Variants in SOX5 observed in about 807,000 individuals in gnomAD.
SOX5 encodes SRY-box transcription factor 5.
In SOX5, 9 loss-of-function variants were observed where a neutral mutation model predicts 92.0. That is an observed-to-expected ratio of 0.10 (90% CI 0.06 to 0.17). The LOEUF is 0.17. Ranked by LOEUF, SOX5 falls within the 10% of genes least tolerant of loss-of-function variation. The probability of loss-of-function intolerance (pLI) is 1.00; values close to 1 mark genes in which losing one functional copy is unlikely to be tolerated. For missense variants in SOX5, 642 were observed against 944.5 expected (o/e 0.68, Z 4.20); for synonymous variants, 344 against 336.3 (o/e 1.02, Z -0.25).
At chr12:24,434,227 G>A (rs1938965804) in intron 1 of SOX5, among the ~76,000 whole-genome samples, 1 of 152,080 alleles carries the variant, frequency 6.6e-6, no homozygotes, top group African/African-American at 2.4e-5. Flanking sequence ...GGGAGGGGAA[G>A]GAAAGAGAGA....
intron 1 of SOX5, among the ~76,000 whole-genome samples, chr12:24,526,516 G>A (rs938125538): frequency 6.6e-6 from 1 of 152,144 alleles, no homozygotes; most frequent in South Asian, 2.1e-4. Context: ...GCTTCAAGAA[G>A]TTCTCTTTCT....
chr12:23,960,849 T>C (rs1443728994), intron 4 of SOX5, among the ~76,000 whole-genome samples: 1 of 152,030 alleles, frequency 6.6e-6, no homozygotes, highest in African/African-American at 2.4e-5. Flanking sequence ...AAAATGGTTA[T>C]AATGGTGGGA....
chr12:23,948,312 G>A (rs1944956258), intron 1 of SOX5, among the ~76,000 whole-genome samples: 1 of 151,294 alleles, frequency 6.6e-6, no homozygotes, highest in African/African-American at 2.4e-5. Flanking sequence ...TTTGATACTG[G>A]CTTTTCTAAT....
At position 23,533,931 on chromosome 12, in the gene SOX5, G is replaced by T; in HGVS notation, c.*288C>A. On this transcript the variant is annotated 3_prime_UTR_variant, in exon 15 of 15. Coordinates refer to ENST00000451604, the MANE Select transcript of SOX5 (RefSeq NM_006940.6). ...ATTTAAAAAAAAAAAAAAGTTGACG[G>T]GTAAGACTTCAGTGCTTGGATGTAG... 3.8e-6 allele frequency: 1 copy of T among 266,500 alleles called. No homozygotes were observed. The highest frequency in any genetic ancestry group is 7.1e-6 in the Non-Finnish European group (1 of 140,298). The allele number at this position is 266,500 out of a possible 1,614,324, so 16.5% of individuals were successfully genotyped here.
At chr12:24,258,206 G>C (rs1941543944) in intron 3 of SOX5, among the ~76,000 whole-genome samples, 1 of 152,040 alleles carries the variant, frequency 6.6e-6, no homozygotes, top group Non-Finnish European at 1.5e-5. Flanking sequence ...CTTATTCTGA[G>C]AACTAAGCCA....
intron 14 of SOX5, among the ~76,000 whole-genome samples, chr12:23,536,076 TTTTA>T (rs1251471603): frequency 1.3e-5 from 2 of 152,212 alleles, no homozygotes; most frequent in African/African-American, 4.8e-5. Context: ...TTGAAATGAT[TTTTA>T]TTTTGTATTG....
At chr12:23,547,569 A>G (rs1943382109) in intron 11 of SOX5, among the ~76,000 whole-genome samples, 1 of 152,110 alleles carries the variant, frequency 6.6e-6, no homozygotes, top group South Asian at 2.1e-4. Flanking sequence ...TTAACACAGT[A>G]CATGCTTTAT....
chr12:24,102,837 T>C (rs1946246675), intron 4 of SOX5, among the ~76,000 whole-genome samples: 1 of 152,260 alleles, frequency 6.6e-6, no homozygotes. Context: ...TTTTGTTTTA[T>C]TATGTTAGAG....
At chr12:24,349,520 C>A (rs1953793758) in intron 2 of SOX5, among the ~76,000 whole-genome samples, 1 of 152,202 alleles carries the variant, frequency 6.6e-6, no homozygotes, top group African/African-American at 2.4e-5. Context: ...ATGGAATACT[C>A]TCAAAGACAG....
At chr12:24,382,236 C>T (rs537984012) in intron 1 of SOX5, among the ~76,000 whole-genome samples, 1 of 152,204 alleles carries the variant, frequency 6.6e-6, no homozygotes, top group Admixed American at 6.5e-5. Context: ...TAAGAAGCTG[C>T]CATTTGAGTC....
chr12:24,041,235 T>C (rs910842993), intron 4 of SOX5, among the ~76,000 whole-genome samples: 2 of 152,184 alleles, frequency 1.3e-5, no homozygotes, highest in African/African-American at 2.4e-5. Flanking sequence ...GAGTTTTGCA[T>C]ATCATAAGGC....
intron 3 of SOX5, among the ~76,000 whole-genome samples, chr12:23,804,957 A>G (rs1339477895): frequency 2.1e-4 from 2 of 9,716 alleles, no homozygotes; most frequent in African/African-American, 5.0e-4. Context: ...ATATATATAT[A>G]TATATATATA....
intron 4 of SOX5, among the ~76,000 whole-genome samples, chr12:24,095,120 C>CAGAGAGAGAGAGAGAGAG (rs1442826677): frequency 5.7e-4 from 58 of 102,120 alleles, no homozygotes; most frequent in Non-Finnish European, 5.5e-4. Context: ...CACACACACA[C>CAGAGAGAGAGAGAGAGAG]ACACACACAG....
rs200106416 is a variant in SOX5 at position 24,004,274 on chromosome 12, C to G, written c.-1-108250G>C. On this transcript the variant is annotated intron_variant, in intron 4 of 4. Coordinates refer to the SOX5 transcript ENST00000446891. Reference sequence around the variant, plus strand: ...CACGCACATAAAAACAACTGATAAACTGAATTATATCAAAATTAAAAACTT... The same window carrying G: ...CACGCACATAAAAACAACTGATAAAGTGAATTATATCAAAATTAAAAACTT... 7.6e-5 allele frequency among the ~76,000 whole-genome samples: 11 copies of G among 144,556 alleles called. No individual in the cohort carries two copies. The East Asian group carries it at 1.7e-3, about 22-fold the overall frequency. 94.8% of individuals were successfully genotyped at this position (144,556 alleles called of 152,430 possible).
chr12:23,559,241 A>G (rs1592063516), intron 11 of SOX5, among the ~76,000 whole-genome samples: 1 of 152,228 alleles, frequency 6.6e-6, no homozygotes, highest in Non-Finnish European at 1.5e-5. Flanking sequence ...TGTGTTTTTT[A>G]CAAAACAAAA....
At chr12:24,244,048 TAAA>T (rs3031151) in intron 3 of SOX5, among the ~76,000 whole-genome samples, 30,498 of 131,596 alleles carry the variant, frequency 0.23, 3,108 homozygotes, top group African/African-American at 0.28. Context: ...GGCATATTGA[TAAA>T]AAAAAAAAAA....
At chr12:24,507,021 A>G (rs1948858146) in intron 1 of SOX5, among the ~76,000 whole-genome samples, 1 of 151,420 alleles carries the variant, frequency 6.6e-6, no homozygotes, top group South Asian at 2.1e-4. Flanking sequence ...CGATTTCCTG[A>G]CCTCGTGATC....
intron 6 of SOX5, among the ~76,000 whole-genome samples, chr12:23,734,292 C>T (rs1356908646): frequency 6.6e-6 from 1 of 152,118 alleles, no homozygotes; most frequent in East Asian, 1.9e-4. Context: ...CTCGGGCATG[C>T]AATAAAAAAG....
chr12:23,902,693 T>C (rs917166057), intron 1 of SOX5, among the ~76,000 whole-genome samples: 1 of 152,336 alleles, frequency 6.6e-6, no homozygotes, highest in Non-Finnish European at 1.5e-5. Flanking sequence ...GTGTCTTTCA[T>C]GTAAATTTTT....
Sources: gnomAD v4.1 joint callset for allele counts (sites outside exome capture counted in the v4.1 genomes callset) on GRCh38, gnomAD v4.1.1 for gene constraint, MANE v1.5 for transcripts, NCBI Gene and HGNC (gene_info 2026-07-23, HGNC 2026-07-21) for gene names.